Variants in EIF4E observed in about 807,000 individuals in gnomAD.
The protein encoded by EIF4E is eIF-4F 25 kDa subunit.
For synonymous variants in EIF4E, 71 were observed against 88.5 expected (o/e 0.80, Z 1.11); for missense variants, 113 against 265.6 (o/e 0.43, Z 3.99).
At chr4:98,901,571 A>G (rs1724650489) in intron 2 of EIF4E, among the ~76,000 whole-genome samples, 1 of 152,186 alleles carries the variant, frequency 6.6e-6, no homozygotes, top group Non-Finnish European at 1.5e-5. Context: ...AAAGCCTCCT[A>G]TATGATGCTA....
intron 5 of EIF4E, among the ~76,000 whole-genome samples, chr4:98,885,956 T>C (rs908788625): frequency 2.0e-5 from 3 of 152,120 alleles, no homozygotes; most frequent in Non-Finnish European, 2.9e-5. Flanking sequence ...TTGCTCATGA[T>C]CTTCCCCCTC....
chr4:98,924,350 T>G (rs772886673), intron 1 of EIF4E, among the ~76,000 whole-genome samples: 1 of 152,172 alleles, frequency 6.6e-6, no homozygotes, highest in Non-Finnish European at 1.5e-5. Flanking sequence ...GTGCTGGGAT[T>G]ACAGGCATGA....
In EIF4E at chr4:98,887,768, A is replaced by G; in HGVS notation, c.285+121T>C. On this transcript the variant is annotated intron_variant, in intron 4 of 6. Coordinates refer to ENST00000450253, the MANE Select transcript of EIF4E (RefSeq NM_001968.5). This position sits in a 1 kb window ranked among gnomAD's most constrained non-coding sequence, Gnocchi z 4.0. Reference sequence around the variant, plus strand: ...TTGATACTAAAGCATACTACAGCCAATTAAATTATCAGCCTATTCATCACA... The same window carrying G: ...TTGATACTAAAGCATACTACAGCCAGTTAAATTATCAGCCTATTCATCACA... 1.2e-6 allele frequency: 1 copy of G among 858,262 alleles called. No individual in the cohort carries two copies. Among genetic ancestry groups the G allele is most frequent in the Non-Finnish European group, 1.9e-6 (1 of 529,170 alleles). The allele number at this position is 858,262 out of a possible 1,614,324, so 53.2% of individuals were successfully genotyped here.
chr4:98,920,666 A>C (rs1725606774), intron 1 of EIF4E, among the ~76,000 whole-genome samples: 1 of 152,162 alleles, frequency 6.6e-6, no homozygotes, highest in African/African-American at 2.4e-5. Context: ...TGAGTATGTA[A>C]CTAAGTCAAA....
At chr4:98,925,828 G>C (rs1725841034) in intron 1 of EIF4E, 1 of 151,984 alleles carries the variant, frequency 6.6e-6, no homozygotes, top group African/African-American at 2.4e-5. Flanking sequence ...GCAGCCTTCA[G>C]CAGGGGTATC....
chr4:98,920,395 G>A (rs111249894), intron 1 of EIF4E, among the ~76,000 whole-genome samples: 4 of 151,922 alleles, frequency 2.6e-5, no homozygotes, highest in African/African-American at 9.7e-5. Context: ...CCACCTCCCA[G>A]GTTCAAGCAA....
At chr4:98,919,304 AAAACAAAAACAG>A (rs1270457677) in intron 1 of EIF4E, among the ~76,000 whole-genome samples, 1 of 151,320 alleles carries the variant, frequency 6.6e-6, no homozygotes, top group Non-Finnish European at 1.5e-5. Flanking sequence ...ACACCATCTC[AAAACAAAAACAG>A]AAACAAAAAG....
At chr4:98,896,380 A>C (rs2110191978) in intron 2 of EIF4E, among the ~76,000 whole-genome samples, 1 of 149,846 alleles carries the variant, frequency 6.7e-6, no homozygotes, top group Admixed American at 6.7e-5. Context: ...AAGGAATGGG[A>C]CAGGGATGGG....
intron 1 of EIF4E, among the ~76,000 whole-genome samples, chr4:98,904,046 A>G (rs1724758633): frequency 1.3e-5 from 2 of 152,184 alleles, no homozygotes; most frequent in African/African-American, 4.8e-5. Context: ...TCCTCAATAT[A>G]TGTAAAAATC....
chr4:98,906,313 T>G (rs377125412), intron 1 of EIF4E, among the ~76,000 whole-genome samples: 1 of 152,180 alleles, frequency 6.6e-6, no homozygotes, highest in Admixed American at 6.5e-5. Flanking sequence ...AACCAGTAAC[T>G]CAAAGTATAG....
intron 5 of EIF4E, chr4:98,886,301 GA>G (rs1723919385): frequency 3.7e-6 from 1 of 267,030 alleles, no homozygotes; most frequent in Admixed American, 4.5e-5. Flanking sequence ...TCTGTCTACA[GA>G]AAATGCTTAT....
chr4:98,901,727 G>A, intron 2 of EIF4E, 149 bp downstream of exon 2: 1 of 756,060 alleles, frequency 1.3e-6, no homozygotes, highest in Non-Finnish European at 2.4e-6. Flanking sequence ...AAAACTGTCT[G>A]CTGGTCATGG....
chr4:98,909,642 A>G (rs1290272954), intron 1 of EIF4E: 5 of 710,676 alleles, frequency 7.0e-6, no homozygotes, highest in African/African-American at 7.0e-5. Flanking sequence ...CAGTATATGC[A>G]GCTTCCAACC....
chr4:98,886,931 T>C lies in EIF4E; in HGVS notation c.399+148A>G, dbSNP rs145368116. The C allele has an allele frequency of 8.6e-4, 660 of 764,438 alleles. 3 individuals are homozygous for C. The African/African-American group carries it at 9.8e-3, about 11-fold the overall frequency. The allele number at this position is 764,438 out of a possible 1,614,324, so 47.4% of individuals were successfully genotyped here. On this transcript the variant is annotated intron_variant, in intron 5 of 6. Transcript: ENST00000450253. The stretch of plus-strand genomic sequence containing the variant: ...CACTGTACTATAAACAGGAGTCATA[T>C]GACAGAACAAAAATAATTACTGACC...
At chr4:98,893,233 C>A (rs1724234434) in intron 2 of EIF4E, among the ~76,000 whole-genome samples, 1 of 152,206 alleles carries the variant, frequency 6.6e-6, no homozygotes, top group South Asian at 2.1e-4. Flanking sequence ...GGTAATCTTG[C>A]TGATGGAGGG....
chr4:98,909,315 C>G (rs996710548), intron 1 of EIF4E, among the ~76,000 whole-genome samples: 5 of 152,128 alleles, frequency 3.3e-5, no homozygotes, highest in Non-Finnish European at 7.4e-5. Flanking sequence ...TTATTTAATA[C>G]AAATATGTAA....
In EIF4E at chr4:98,884,903, G is replaced by A. The variant is rs369930220; in HGVS notation, c.539+19C>T. 3 of 1,611,434 alleles carry A rather than the reference G, an allele frequency of 1.9e-6. No homozygotes were observed. Among genetic ancestry groups the A allele is most frequent in the Non-Finnish European group, 2.5e-6 (3 of 1,179,536 alleles). The stretch of plus-strand genomic sequence containing the variant: ...TCATCTTAATACTGTAAAATAAGTA[G>A]GCAAAGAGCAAAACTTACCCTATAT... On this transcript the variant is annotated intron_variant, in intron 6 of 6. Coordinates refer to ENST00000450253, the MANE Select transcript of EIF4E (RefSeq NM_001968.5).
intron 1 of EIF4E, among the ~76,000 whole-genome samples, chr4:98,910,383 A>C (rs72905053): frequency 0.068 from 10,311 of 152,292 alleles, 1,141 homozygotes; most frequent in African/African-American, 0.23. Context: ...GTACTTCTTA[A>C]AGTGCTTTTC....
intron 1 of EIF4E, chr4:98,909,977 G>A (rs1725044596): frequency 2.1e-6 from 1 of 477,920 alleles, no homozygotes; most frequent in African/African-American, 2.0e-5. Flanking sequence ...ATGTAAATTA[G>A]TATAATTAAT....
Sources: allele counts gnomAD v4.1 joint callset (sites outside exome capture counted in the v4.1 genomes callset), GRCh38; gene constraint gnomAD v4.1.1; non-coding constraint Gnocchi (gnomAD v3.1); transcripts MANE v1.5; gene names NCBI Gene and HGNC (gene_info 2026-07-23, HGNC 2026-07-21).